TNIK: variants seen among roughly 807,000 people sequenced by gnomAD.
The protein encoded by TNIK is TRAF2 and NCK-interacting protein kinase.
In TNIK, 49 loss-of-function variants were observed where a neutral mutation model predicts 191.3. The ratio of observed to expected loss-of-function variants is 0.26; its 90% CI spans 0.20 to 0.32. The LOEUF is 0.32. TNIK is among the 10% of genes least tolerant of loss of function. The pLI, the probability that TNIK is intolerant of heterozygous loss-of-function variation, is 1.00. For missense variants in TNIK, 1,155 were observed against 1,702.3 expected (o/e 0.68, Z 5.66); for synonymous variants, 594 against 600.9 (o/e 0.99, Z 0.17).
At chr3:171,185,822 TTTTC>T (rs1737294939) in intron 7 of TNIK, among the ~76,000 whole-genome samples, 1 of 152,244 alleles carries the variant, frequency 6.6e-6, no homozygotes. Context: ...GCTATACTCT[TTTTC>T]TTTTTCTTCT....
At chr3:171,107,254 A>T in intron 20 of TNIK, 48 bp from the exon 21 acceptor site, 1 of 1,587,486 alleles carries the variant, frequency 6.3e-7, no homozygotes, top group Non-Finnish European at 8.6e-7. Context: ...AAGGAGGAAA[A>T]GCCAGCAGAA....
intron 2 of TNIK, among the ~76,000 whole-genome samples, chr3:171,228,886 T>G (rs1743277672): frequency 6.6e-6 from 1 of 152,228 alleles, no homozygotes; most frequent in African/African-American, 2.4e-5. Context: ...AGAATTATTT[T>G]CTCTTTGTTT....
chr3:171,063,863 G>A lies in TNIK; in HGVS notation c.*18C>T. The A allele has an allele frequency of 1.2e-6, 2 of 1,611,160 alleles. No individual in the cohort carries two copies. Among genetic ancestry groups the A allele is most frequent in the South Asian group, 1.1e-5 (1 of 90,666 alleles). On this transcript the variant is annotated 3_prime_UTR_variant, in exon 33 of 33. Transcript: ENST00000436636. The stretch of plus-strand genomic sequence containing the variant: ...ATTAGAAATAACGCCATGAAGATAA[G>A]TGCCAAGTGCTCTTCTGTTACCAGT...
At chr3:171,177,190 C>T in intron 8 of TNIK, 136 bp downstream of exon 8, 1 of 742,690 alleles carries the variant, frequency 1.3e-6, no homozygotes, top group Non-Finnish European at 2.0e-6. Context: ...GATGACTCTG[C>T]TTTCTAAATA....
rs1323630993 is a variant in TNIK at position 171,366,995 on chromosome 3, G to A, written c.123+2625C>T. Among the ~76,000 whole-genome samples, 3 of 152,188 alleles carry A rather than the reference G, an allele frequency of 2.0e-5. No homozygotes were observed. The highest frequency in any genetic ancestry group is 1.3e-4 in the Admixed American group (2 of 15,284). ...AAATTTCCTGAGGCCTCCTCAGCCA[G>A]GCAGAACTGTGAGTCAGTTAAACCT... On this transcript the variant is annotated intron_variant, in intron 2 of 32. Transcript: ENST00000436636. This position sits in a 1 kb window ranked among gnomAD's most constrained non-coding sequence, Gnocchi z 4.1.
chr3:171,110,604 C>CA, intron 19 of TNIK, 110 bp downstream of exon 19: 1 of 1,382,408 alleles, frequency 7.2e-7, no homozygotes. Context: ...TTCAGGATCA[C>CA]ACAGTGGTGG....
intron 2 of TNIK, among the ~76,000 whole-genome samples, chr3:171,331,689 A>T (rs1271814828): frequency 6.6e-6 from 1 of 152,246 alleles, no homozygotes; most frequent in Non-Finnish European, 1.5e-5. Flanking sequence ...CAAATGATTT[A>T]AAGAGGGTTT....
At chr3:171,068,100 A>G (rs904657406) in intron 30 of TNIK, among the ~76,000 whole-genome samples, 2 of 152,212 alleles carry the variant, frequency 1.3e-5, no homozygotes, top group African/African-American at 4.8e-5. Context: ...CACACTTTAC[A>G]CTACACTTAA....
At chr3:171,369,811 T>A in intron 1 of TNIK, 126 bp from the exon 2 acceptor site, 1 of 671,190 alleles carries the variant, frequency 1.5e-6, no homozygotes, top group Non-Finnish European at 2.4e-6. Flanking sequence ...CTCTCATGTG[T>A]TAACATTTAA....
At chr3:171,369,592 A>T (rs1294579247) in intron 2 of TNIK, 28 bp downstream of exon 2, 1 of 1,550,962 alleles carries the variant, frequency 6.4e-7, no homozygotes, top group South Asian at 1.2e-5. Flanking sequence ...AACCGTACAT[A>T]AGCCACTCTC....
chr3:171,170,105 A>T (rs1735094557), intron 9 of TNIK, among the ~76,000 whole-genome samples: 1 of 152,232 alleles, frequency 6.6e-6, no homozygotes, highest in South Asian at 2.1e-4. Flanking sequence ...ACATTTATAT[A>T]ACTTTATTGC....
At chr3:171,289,068 C>T (rs1198047420) in intron 2 of TNIK, among the ~76,000 whole-genome samples, 1 of 152,022 alleles carries the variant, frequency 6.6e-6, no homozygotes. Context: ...AGCACACTTC[C>T]GAGAGCAGCA....
chr3:171,431,706 G>GT (rs1363222866), intron 1 of TNIK, among the ~76,000 whole-genome samples: 1 of 152,058 alleles, frequency 6.6e-6, no homozygotes, highest in East Asian at 1.9e-4. Context: ...TATGAAATTG[G>GT]TAAAATCATT....
chr3:171,237,928 TC>T (rs1400375397), intron 2 of TNIK, among the ~76,000 whole-genome samples: 1 of 152,034 alleles, frequency 6.6e-6, no homozygotes, highest in Non-Finnish European at 1.5e-5. Context: ...AAACCTACCA[TC>T]CCCATTGACG....
chr3:171,358,197 C>T (rs1219369290), intron 2 of TNIK, among the ~76,000 whole-genome samples: 1 of 152,180 alleles, frequency 6.6e-6, no homozygotes, highest in Non-Finnish European at 1.5e-5. Context: ...AAAATAACCA[C>T]AGCCCAGACA....
intron 15 of TNIK, among the ~76,000 whole-genome samples, chr3:171,137,582 G>C (rs1454924757): frequency 6.6e-6 from 1 of 152,076 alleles, no homozygotes; most frequent in African/African-American, 2.4e-5. Context: ...TATTAAAATA[G>C]CTCAACATAG....
At chr3:171,227,796 G>T (rs997937663) in intron 3 of TNIK, among the ~76,000 whole-genome samples, 1 of 152,080 alleles carries the variant, frequency 6.6e-6, no homozygotes, top group South Asian at 2.1e-4. Context: ...TTCAACTTAC[G>T]ATTTTTTTTG....
At chr3:171,349,175 G>A (rs773377763) in intron 2 of TNIK, among the ~76,000 whole-genome samples, 2 of 152,090 alleles carry the variant, frequency 1.3e-5, no homozygotes, top group African/African-American at 4.8e-5. Context: ...AAGAAAAACA[G>A]TAAAACATGA....
At chr3:171,423,043 C>T (rs573248925) in intron 1 of TNIK, among the ~76,000 whole-genome samples, 1 of 152,246 alleles carries the variant, frequency 6.6e-6, no homozygotes, top group East Asian at 1.9e-4. Context: ...CAATACGTGA[C>T]ATTGTGTCAA....
Sources: gnomAD v4.1 joint callset for allele counts (sites outside exome capture counted in the v4.1 genomes callset) on GRCh38, gnomAD v4.1.1 for gene constraint, Gnocchi (gnomAD v3.1) non-coding constraint, MANE v1.5 for transcripts, NCBI Gene and HGNC (gene_info 2026-07-23, HGNC 2026-07-21) for gene names.